Variants in CSGALNACT1 observed in about 807,000 individuals in gnomAD.
CSGALNACT1 encodes chondroitin sulfate N-acetylgalactosaminyltransferase 1, also known as beta4GalNAcT-1.
A neutral mutation model predicts 51.0 loss-of-function variants in CSGALNACT1; 52 were observed. The observed-to-expected ratio is 1.02, with a 90% CI of 0.82 to 1.29. The LOEUF is 1.29. Among genes scored for constraint, CSGALNACT1 ranks in the 50% most tolerant of loss-of-function variants. The pLI is 0.00. For missense variants in CSGALNACT1, 935 were observed against 679.2 expected (o/e 1.38, Z -4.19); for synonymous variants, 341 against 254.4 (o/e 1.34, Z -3.24).
intron 1 of CSGALNACT1, among the ~76,000 whole-genome samples, chr8:19,628,497 C>T (rs2054750043): frequency 6.6e-6 from 1 of 152,154 alleles, no homozygotes; most frequent in South Asian, 2.1e-4. Context: ...GACACAGAGC[C>T]AAACCGTATC....
intron 1 of CSGALNACT1, among the ~76,000 whole-genome samples, chr8:19,637,693 A>G (rs761013156): frequency 6.6e-6 from 1 of 152,260 alleles, no homozygotes; most frequent in Non-Finnish European, 1.5e-5. Context: ...CTAAGTTTTA[A>G]AAAGGTAATT....
intron 3 of CSGALNACT1, among the ~76,000 whole-genome samples, chr8:19,557,094 G>C (rs1177436242): frequency 6.6e-6 from 1 of 152,052 alleles, no homozygotes; most frequent in African/African-American, 2.4e-5. Context: ...AAAAGGGATT[G>C]GCATCACTGT....
intron 3 of CSGALNACT1, among the ~76,000 whole-genome samples, chr8:19,540,796 C>T (rs2084918971): frequency 6.6e-6 from 1 of 152,180 alleles, no homozygotes; most frequent in African/African-American, 2.4e-5. Flanking sequence ...TCTCCCTCCA[C>T]CGGATCATCT....
At chr8:19,404,807 G>A (rs570510406) in exon 10 of CSGALNACT1, 2 of 454,512 alleles carry the variant, frequency 4.4e-6, no homozygotes, top group South Asian at 3.1e-5. Flanking sequence ...CAGTCTGAAT[G>A]AGTTTCCTTT....
At chr8:19,647,933 A>C (rs2057426815) in intron 1 of CSGALNACT1, among the ~76,000 whole-genome samples, 1 of 152,224 alleles carries the variant, frequency 6.6e-6, no homozygotes, top group Admixed American at 6.5e-5. Context: ...TGCCAATCTC[A>C]GACCCTGGGC....
At chr8:19,700,226 T>C (rs904178051) in intron 1 of CSGALNACT1, among the ~76,000 whole-genome samples, 8 of 152,254 alleles carry the variant, frequency 5.3e-5, no homozygotes, top group African/African-American at 1.9e-4. Flanking sequence ...ATAAATTGTT[T>C]ACTGCAGACC....
intron 1 of CSGALNACT1, among the ~76,000 whole-genome samples, chr8:19,720,893 G>A (rs1470847604): frequency 2.0e-5 from 3 of 152,280 alleles, no homozygotes; most frequent in South Asian, 2.1e-4. Flanking sequence ...CCCCAAGGGG[G>A]CCTGCTGAAG....
intron 3 of CSGALNACT1, among the ~76,000 whole-genome samples, chr8:19,534,866 A>T (rs2083446336): frequency 6.6e-6 from 1 of 152,228 alleles, no homozygotes; most frequent in Admixed American, 6.5e-5. Flanking sequence ...TTTGTAATCC[A>T]AACAGCCTTG....
chr8:19,474,659 G>T (rs368430858), intron 4 of CSGALNACT1, among the ~76,000 whole-genome samples: 1 of 151,734 alleles, frequency 6.6e-6, no homozygotes, highest in African/African-American at 2.4e-5. Context: ...AATTGAGGTC[G>T]GGAGTTCGAG....
intron 3 of CSGALNACT1, among the ~76,000 whole-genome samples, chr8:19,580,134 C>T (rs1251150554): frequency 6.6e-6 from 1 of 152,208 alleles, no homozygotes; most frequent in African/African-American, 2.4e-5. Context: ...CAGCCCAAAG[C>T]CTGGAGCAGT....
chr8:19,669,829 T>A (rs544734375), intron 1 of CSGALNACT1, among the ~76,000 whole-genome samples: 59 of 152,318 alleles, frequency 3.9e-4, no homozygotes, highest in African/African-American at 1.4e-3. Flanking sequence ...TTAATTTGCA[T>A]GCTGAAAACA....
chr8:19,491,393 T>C (rs2074328091), intron 4 of CSGALNACT1, among the ~76,000 whole-genome samples: 1 of 152,170 alleles, frequency 6.6e-6, no homozygotes, highest in Non-Finnish European at 1.5e-5. Context: ...AGGAAAATAC[T>C]GGAAAAAGCT....
chr8:19,497,720 T>C (rs4322018), intron 4 of CSGALNACT1, among the ~76,000 whole-genome samples: 126,715 of 152,082 alleles, frequency 0.83, 53,088 homozygotes, highest in East Asian at 1. Flanking sequence ...TCCTCGGGCC[T>C]CCAAATTACT....
At chr8:19,433,913 C>T (rs1001763873) in intron 6 of CSGALNACT1, among the ~76,000 whole-genome samples, 4 of 152,186 alleles carry the variant, frequency 2.6e-5, no homozygotes, top group Admixed American at 2.6e-4. Context: ...ATATCTCCAA[C>T]CCCATTTTGT....
chr8:19,411,355 G>A (rs2055684581), intron 8 of CSGALNACT1, among the ~76,000 whole-genome samples: 1 of 152,236 alleles, frequency 6.6e-6, no homozygotes, highest in South Asian at 2.1e-4. Context: ...CCTGGTGAAT[G>A]TAAGCTCAGG....
chr8:19,643,726 A>G (rs527935058), intron 1 of CSGALNACT1, among the ~76,000 whole-genome samples: 79 of 152,336 alleles, frequency 5.2e-4, no homozygotes, highest in African/African-American at 1.8e-3. Context: ...TTCACTGATA[A>G]AGAACTGAGA....
chr8:19,720,254 G>A (rs531658828), intron 1 of CSGALNACT1, among the ~76,000 whole-genome samples: 1 of 152,284 alleles, frequency 6.6e-6, no homozygotes, highest in South Asian at 2.1e-4. Context: ...AATCCCTAGT[G>A]ATGTAGGGAG....
chr8:19,506,811 G>A (rs1249894621), intron 3 of CSGALNACT1, among the ~76,000 whole-genome samples: 1 of 152,210 alleles, frequency 6.6e-6, no homozygotes, highest in African/African-American at 2.4e-5. Flanking sequence ...GCAGCCTGAG[G>A]CTTTCATCAG....
At chr8:19,691,065 T>G (rs1329894471) in intron 1 of CSGALNACT1, among the ~76,000 whole-genome samples, 5 of 152,118 alleles carry the variant, frequency 3.3e-5, no homozygotes, top group African/African-American at 1.2e-4. Context: ...GCACTCAAGC[T>G]TGGACAACAG....
Sources: gnomAD v4.1 joint callset for allele counts (sites outside exome capture counted in the v4.1 genomes callset) on GRCh38, gnomAD v4.1.1 for gene constraint, MANE v1.5 for transcripts, NCBI Gene and HGNC (gene_info 2026-07-23, HGNC 2026-07-21) for gene names.